Variants in SHROOM2 observed in about 807,000 individuals in gnomAD.
The protein encoded by SHROOM2 is protein Shroom2.
In SHROOM2, 33 loss-of-function variants were observed where a neutral mutation model predicts 75.9. The ratio of observed to expected loss-of-function variants is 0.43; its 90% CI spans 0.33 to 0.58. The LOEUF is 0.58. Ranked by LOEUF, SHROOM2 falls within the 20% of genes least tolerant of loss-of-function variation. The pLI is 0.04. For synonymous variants in SHROOM2, 655 were observed against 663.6 expected, an observed-to-expected ratio of 0.99 and a Z score of 0.20; for missense variants, 1,434 against 1,461.2, an observed-to-expected ratio of 0.98 and a Z score of 0.30.
chrX:9,837,890 A>G (rs1474652855), intron 1 of SHROOM2, among the ~76,000 whole-genome samples: 1 of 110,454 alleles, frequency 9.1e-6, no homozygotes, highest in Non-Finnish European at 1.9e-5. Context: ...GCAGCCTCAG[A>G]TGGTGGTAGC....
At chrX:9,941,599 G>A (rs2084768745) in intron 8 of SHROOM2, among the ~76,000 whole-genome samples, 1 of 111,939 alleles carries the variant, frequency 8.9e-6, no homozygotes, top group Non-Finnish European at 1.9e-5. Context: ...GCTCAGCTGA[G>A]GTAGGTTTTG....
intron 1 of SHROOM2, among the ~76,000 whole-genome samples, chrX:9,807,825 C>A (rs1012771275): frequency 8.9e-6 from 1 of 111,998 alleles, no homozygotes; most frequent in African/African-American, 3.2e-5. Context: ...CTTTCCTGCC[C>A]GCCCTAGGCT....
At chrX:9,940,941 A>G (rs2084763460) in intron 8 of SHROOM2, among the ~76,000 whole-genome samples, 1 of 111,553 alleles carries the variant, frequency 9.0e-6, no homozygotes, top group South Asian at 3.7e-4. Context: ...GACAGAGTTG[A>G]GAGAGTGGAA....
At chrX:9,811,119 C>T (rs995154694) in intron 1 of SHROOM2, among the ~76,000 whole-genome samples, 1 of 112,057 alleles carries the variant, frequency 8.9e-6, no homozygotes, top group Non-Finnish European at 1.9e-5. Context: ...TCTGCCCTTG[C>T]CATGATGGAA....
At chrX:9,933,603 C>G (rs759677961) in intron 6 of SHROOM2, among the ~76,000 whole-genome samples, 1 of 107,893 alleles carries the variant, frequency 9.3e-6, no homozygotes, top group Non-Finnish European at 1.9e-5. Context: ...AAAACCTTGT[C>G]TCTACTAAAA....
intron 1 of SHROOM2, among the ~76,000 whole-genome samples, chrX:9,811,271 GTGGAAGTCCATGTTGCTGAGTCCA>G (rs2083790123): frequency 8.9e-6 from 1 of 111,953 alleles, no homozygotes; most frequent in Non-Finnish European, 1.9e-5. Context: ...GCCTTGGTGA[GTGGAAGTCCATGTTGCTGAGTCCA>G]TGTGTAACCT....
At chrX:9,867,575 GTGATGCTA>G (rs2084147465) in intron 1 of SHROOM2, among the ~76,000 whole-genome samples, 2 of 111,620 alleles carry the variant, frequency 1.8e-5, no homozygotes, top group Middle Eastern at 4.2e-3. Context: ...GAGCATCATT[GTGATGCTA>G]TCACGCATGC....
At chrX:9,875,080 C>CAAAAAA (rs375824306) in intron 2 of SHROOM2, among the ~76,000 whole-genome samples, 124 of 12,342 alleles carry the variant, frequency 0.01, 15 homozygotes, top group East Asian at 0.069. Context: ...GACCCTGTCT[C>CAAAAAA]AAAAAAAAAA....
chrX:9,837,364 T>C (rs1226089939), intron 1 of SHROOM2, among the ~76,000 whole-genome samples: 8 of 112,944 alleles, frequency 7.1e-5, no homozygotes, highest in African/African-American at 2.2e-4. Context: ...CTCTCTGACC[T>C]CAGGAAGTAA....
intron 7 of SHROOM2, among the ~76,000 whole-genome samples, chrX:9,938,318 G>A (rs927262663): frequency 1.8e-5 from 2 of 112,111 alleles, no homozygotes; most frequent in African/African-American, 3.2e-5. Flanking sequence ...TTGGCTGACC[G>A]AGGTAGGCAG....
intron 1 of SHROOM2, among the ~76,000 whole-genome samples, chrX:9,834,690 A>AC (rs199785957): frequency 9.1e-6 from 1 of 109,821 alleles, no homozygotes; most frequent in Non-Finnish European, 1.9e-5. Context: ...TAAAAAAAAA[A>AC]GAAAAGAAAT....
At chrX:9,830,378 C>G (rs987428060) in intron 1 of SHROOM2, among the ~76,000 whole-genome samples, 2 of 110,361 alleles carry the variant, frequency 1.8e-5, no homozygotes, top group Non-Finnish European at 3.8e-5. Flanking sequence ...CCTGAATTTT[C>G]TTGCTGCCTA....
intron 5 of SHROOM2, among the ~76,000 whole-genome samples, chrX:9,904,991 G>A (rs2084384079): frequency 8.9e-6 from 1 of 112,255 alleles, no homozygotes; most frequent in African/African-American, 3.2e-5. Context: ...GGGATCACAG[G>A]CATGCGCCAG....
At chrX:9,882,951 G>A (rs1417660053) in intron 2 of SHROOM2, among the ~76,000 whole-genome samples, 1 of 112,393 alleles carries the variant, frequency 8.9e-6, no homozygotes, top group African/African-American at 3.2e-5. Flanking sequence ...CACCATTCAC[G>A]CAGGCATTGC....
Position 9,944,734 on chromosome X carries a change from G to T in SHROOM2, c.4405G>T (p.Gly1469Trp). 1 of 1,212,178 alleles carries T rather than the reference G, an allele frequency of 8.2e-7. No homozygotes were observed. The highest frequency in any genetic ancestry group is 1.1e-6 in the Non-Finnish European group (1 of 895,520). Reference sequence around the variant, plus strand: ...GGACGTGCAGGCCAACACCGTGCTGGGGGCCGAGGTGGAGGCCATCGTGAA... The same window carrying T: ...GGACGTGCAGGCCAACACCGTGCTGTGGGCCGAGGTGGAGGCCATCGTGAA... ...LEDVQANTVLGAEVEAIVKGV... is the reference protein window; with the variant it reads ...LEDVQANTVLWAEVEAIVKGV... Residue 1469 changes from glycine (G) to tryptophan (W), a missense_variant, in exon 9 of 10, where the codon GGG becomes TGG. Transcript: ENST00000380913.
At chrX:9,928,015 C>T (rs768197061) in intron 5 of SHROOM2, among the ~76,000 whole-genome samples, 107 of 112,100 alleles carry the variant, frequency 9.5e-4, no homozygotes, top group African/African-American at 3.3e-3. Context: ...TTTTTCCTAA[C>T]AGTGGTTTCG....
chrX:9,834,387 C>T (rs2083932935), intron 1 of SHROOM2, among the ~76,000 whole-genome samples: 1 of 112,177 alleles, frequency 8.9e-6, no homozygotes, highest in East Asian at 2.8e-4. Flanking sequence ...GAATGTTGTG[C>T]GCATGGGAAA....
chrX:9,798,260 A>G (rs955297792), intron 1 of SHROOM2, among the ~76,000 whole-genome samples: 4 of 111,508 alleles, frequency 3.6e-5, no homozygotes, highest in Non-Finnish European at 5.6e-5. Context: ...AAAAGAGGTG[A>G]AAGAGATTCT....
At chrX:9,910,782 G>A (rs774527675) in intron 5 of SHROOM2, among the ~76,000 whole-genome samples, 21 of 107,860 alleles carry the variant, frequency 1.9e-4, no homozygotes, top group Admixed American at 1.7e-3. Flanking sequence ...GTGCCACTGC[G>A]CTTTTGCCTG....
Sources: gnomAD v4.1 joint callset for allele counts (sites outside exome capture counted in the v4.1 genomes callset) on GRCh38, gnomAD v4.1.1 for gene constraint, MANE v1.5 for transcripts, NCBI Gene and HGNC (gene_info 2026-07-23, HGNC 2026-07-21) for gene names.